Variants in KIRREL3 observed in about 807,000 individuals in gnomAD.
The protein encoded by KIRREL3 is kin of IRRE-like protein 3.
KIRREL3 carries 36 observed loss-of-function variants against 89.7 expected under a neutral mutation model. That is an observed-to-expected ratio of 0.40 (90% CI 0.31 to 0.53). The LOEUF is 0.53. Among genes scored for constraint, KIRREL3 ranks in the 20% least tolerant of loss-of-function variants. The pLI, the probability that KIRREL3 is intolerant of heterozygous loss-of-function variation, is 0.49. For missense variants in KIRREL3, 864 were observed against 1,056.6 expected, an observed-to-expected ratio of 0.82 and a Z score of 2.53; for synonymous variants, 445 against 441.4, an observed-to-expected ratio of 1.01 and a Z score of -0.10.
Position 126,558,152 on chromosome 11 carries a change from A to C in KIRREL3, c.133+4683T>G, listed in dbSNP as rs773773766. 6.6e-6 allele frequency among the ~76,000 whole-genome samples: 1 copy of C among 152,140 alleles called. No homozygotes were observed. The highest frequency in any genetic ancestry group is 1.5e-5 in the Non-Finnish European group (1 of 68,012). On this transcript the variant is annotated intron_variant, in intron 2 of 16. Transcript: ENST00000525144. This position sits in a 1 kb window ranked among gnomAD's most constrained non-coding sequence, Gnocchi z 4.0. The stretch of plus-strand genomic sequence containing the variant: ...TCCTGTGCAGGCCCCCCTCTGCCCC[A>C]AGGGGATGGCTGAAGGGGAGGTCAA...
chr11:126,622,839 T>C lies in KIRREL3; in HGVS notation c.56-59927A>G, dbSNP rs933386678. Among the ~76,000 whole-genome samples the C allele has an allele frequency of 3.3e-5, 5 of 152,230 alleles. No individual in the cohort carries two copies. The highest frequency in any genetic ancestry group is 7.3e-5 in the Non-Finnish European group (5 of 68,042). On this transcript the variant is annotated intron_variant, in intron 1 of 16. Coordinates refer to ENST00000525144, the MANE Select transcript of KIRREL3 (RefSeq NM_032531.4). This position sits in a 1 kb window ranked among gnomAD's most constrained non-coding sequence, Gnocchi z 5.2. ...TATACTTTTTGTAGAGTTAACTACA[T>C]GCACAATTTTATTTGCTTTATCTAT...
At chr11:126,487,060 G>A (rs77541014) in intron 4 of KIRREL3, among the ~76,000 whole-genome samples, 3,433 of 152,244 alleles carry the variant, frequency 0.023, 133 homozygotes, top group African/African-American at 0.074. Flanking sequence ...AGAAGTCTTA[G>A]CAGAAATGGA....
At chr11:126,465,222 C>T (rs1453695275) in intron 5 of KIRREL3, among the ~76,000 whole-genome samples, 1 of 152,176 alleles carries the variant, frequency 6.6e-6, no homozygotes, top group Non-Finnish European at 1.5e-5. Flanking sequence ...ACAGACCACT[C>T]CTCCCTCAAA....
chr11:126,612,278 T>C lies in KIRREL3; in HGVS notation c.56-49366A>G, dbSNP rs1325876916. ...GAATTTGAGTATTATATGGACACCC[T>C]TGGCATATAATAAATGCTCCCTCAG... On this transcript the variant is annotated intron_variant, in intron 1 of 16. Transcript: ENST00000525144. This position sits in a 1 kb window ranked among gnomAD's most constrained non-coding sequence, Gnocchi z 4.5. Among the ~76,000 whole-genome samples, 1 of 151,546 alleles carries C rather than the reference T, an allele frequency of 6.6e-6. No homozygotes were observed. Among genetic ancestry groups the C allele is most frequent in the Non-Finnish European group, 1.5e-5 (1 of 67,872 alleles).
rs1955064682 is a variant in KIRREL3 at position 126,429,858 on chromosome 11, T to C, written c.1697-570A>G. On this transcript the variant is annotated intron_variant, in intron 14 of 16. Transcript: ENST00000525144. The surrounding 1 kb of genome is among the most constrained non-coding windows in gnomAD (Gnocchi z 5.2). ...AGAGCTCTGTTAGAAAATTCTTGGC[T>C]GGGTGCGGTGGCTCACGCCTGTAAT... is the stretch of plus-strand genomic sequence containing the variant. 6.6e-6 allele frequency among the ~76,000 whole-genome samples: 1 copy of C among 152,106 alleles called. No individual in the cohort carries two copies. The highest frequency in any genetic ancestry group is 6.5e-5 in the Admixed American group (1 of 15,268).
chr11:126,683,557 G>T lies in KIRREL3; in HGVS notation c.56-120645C>A, dbSNP rs1946551394. On this transcript the variant is annotated intron_variant, in intron 1 of 16. Transcript: ENST00000525144. The surrounding 1 kb of genome is among the most constrained non-coding windows in gnomAD (Gnocchi z 5.2). ...TGGGAAGAGTAAGGGCACCCATCTTGGAGGAGATTTGGCACGTGATGCTCA... is the reference window on the plus strand; with the variant it reads ...TGGGAAGAGTAAGGGCACCCATCTTTGAGGAGATTTGGCACGTGATGCTCA... Among the ~76,000 whole-genome samples, 1 of 152,204 alleles carries T rather than the reference G, an allele frequency of 6.6e-6. No individual in the cohort carries two copies. The highest frequency in any genetic ancestry group is 6.5e-5 in the Admixed American group (1 of 15,282).
rs1941279663 is a variant in KIRREL3, at chr11:126,576,844, A to G, written c.56-13932T>C. On this transcript the variant is annotated intron_variant, in intron 1 of 16. Transcript: ENST00000525144. This position sits in a 1 kb window ranked among gnomAD's most constrained non-coding sequence, Gnocchi z 5.4. ...CTCTCCCTACTGGAATGCAGAAGGA[A>G]GGACAAGAGATGAGCCTTTACTGAG... Among the ~76,000 whole-genome samples, 1 of 152,216 alleles carries G rather than the reference A, an allele frequency of 6.6e-6. No homozygotes were observed. The highest frequency in any genetic ancestry group is 2.1e-4 in the South Asian group (1 of 4,830).
In KIRREL3 at chr11:126,805,386, T is replaced by G. The variant is rs1193624910; in HGVS notation, c.55+195069A>C. ...TACTGGGTGGAGGAGATTTAATTACTCAGATGCTCTTATGCTCCTCAAAGG... is the reference window on the plus strand; with the variant it reads ...TACTGGGTGGAGGAGATTTAATTACGCAGATGCTCTTATGCTCCTCAAAGG... On this transcript the variant is annotated intron_variant, in intron 1 of 16. Coordinates refer to ENST00000525144, the MANE Select transcript of KIRREL3 (RefSeq NM_032531.4). This position sits in a 1 kb window ranked among gnomAD's most constrained non-coding sequence, Gnocchi z 4.3. Among the ~76,000 whole-genome samples the G allele has an allele frequency of 6.6e-6, 1 of 152,176 alleles. No homozygotes were observed. The highest frequency in any genetic ancestry group is 1.9e-4 in the East Asian group (1 of 5,184).
At chr11:126,862,815 A>G (rs1453132562) in intron 1 of KIRREL3, among the ~76,000 whole-genome samples, 1 of 152,182 alleles carries the variant, frequency 6.6e-6, no homozygotes, top group Non-Finnish European at 1.5e-5. Context: ...TCTGCCAGAG[A>G]GTGATGCATT....
chr11:126,675,573 G>C (rs925554717), intron 1 of KIRREL3, among the ~76,000 whole-genome samples: 1 of 152,274 alleles, frequency 6.6e-6, no homozygotes, highest in Non-Finnish European at 1.5e-5. Flanking sequence ...GGGTGGTGGA[G>C]ACCAAGAGGT....
At position 126,519,945 on chromosome 11, in the gene KIRREL3, C is replaced by A. The variant is rs1401676237; in HGVS notation, c.433+1370G>T. Among the ~76,000 whole-genome samples, 1 of 152,132 alleles carries A rather than the reference C, an allele frequency of 6.6e-6. No homozygotes were observed. The highest frequency in any genetic ancestry group is 2.4e-5 in the African/African-American group (1 of 41,432). Reference sequence around the variant, plus strand: ...CCATGGAATCCCAACTTATTTACCCCCGCTGGAACAGGTTTATTTTCTCAT... The same window carrying A: ...CCATGGAATCCCAACTTATTTACCCACGCTGGAACAGGTTTATTTTCTCAT... On this transcript the variant is annotated intron_variant, in intron 4 of 16. Transcript: ENST00000525144. This position sits in a 1 kb window ranked among gnomAD's most constrained non-coding sequence, Gnocchi z 4.3.
intron 1 of KIRREL3, among the ~76,000 whole-genome samples, chr11:126,927,003 T>A (rs751273525): frequency 2.0e-5 from 3 of 152,222 alleles, no homozygotes; most frequent in Non-Finnish European, 2.9e-5. Context: ...AGCTAAGGCA[T>A]GATGCAGGCA....
chr11:126,534,322 G>A (rs1340015436), intron 2 of KIRREL3, among the ~76,000 whole-genome samples: 2 of 152,218 alleles, frequency 1.3e-5, no homozygotes, highest in African/African-American at 2.4e-5. Flanking sequence ...GCATCTGACT[G>A]GCGCTGAACT....
In KIRREL3 at chr11:126,993,482, A is replaced by G. The variant is rs1950095465; in HGVS notation, c.55+6973T>C. Reference sequence around the variant, plus strand: ...ATCCTATAATATCAAGCATGATGTCATCTCCTCTGTGCAACCTTTTCTGAT... The same window carrying G: ...ATCCTATAATATCAAGCATGATGTCGTCTCCTCTGTGCAACCTTTTCTGAT... On this transcript the variant is annotated intron_variant, in intron 1 of 16. Transcript: ENST00000525144. The surrounding 1 kb of genome is among the most constrained non-coding windows in gnomAD (Gnocchi z 6.1). 6.6e-6 allele frequency among the ~76,000 whole-genome samples: 1 copy of G among 152,200 alleles called. No homozygotes were observed. The highest frequency in any genetic ancestry group is 2.1e-4 in the South Asian group (1 of 4,824).
At chr11:126,707,754 T>C (rs1427719229) in intron 1 of KIRREL3, among the ~76,000 whole-genome samples, 1 of 152,094 alleles carries the variant, frequency 6.6e-6, no homozygotes, top group Admixed American at 6.5e-5. Context: ...AAGTCTCCTT[T>C]CCCTGGGTCA....
rs920593220 is a variant in KIRREL3, at chr11:126,994,238, G to C, written c.55+6217C>G. Among the ~76,000 whole-genome samples, 1 of 152,148 alleles carries C rather than the reference G, an allele frequency of 6.6e-6. No homozygotes were observed. Among genetic ancestry groups the C allele is most frequent in the African/African-American group, 2.4e-5 (1 of 41,418 alleles). ...GTGTTCAGTAGGGGGTCAGGAGGGC[G>C]TGGGAAGGCTTCCAGATGCCAGGAA... is the stretch of plus-strand genomic sequence containing the variant. On this transcript the variant is annotated intron_variant, in intron 1 of 16. Coordinates refer to ENST00000525144, the MANE Select transcript of KIRREL3 (RefSeq NM_032531.4). The surrounding 1 kb of genome is among the most constrained non-coding windows in gnomAD (Gnocchi z 5.2).
intron 1 of KIRREL3, among the ~76,000 whole-genome samples, chr11:126,853,778 A>T (rs1817352156): frequency 6.6e-6 from 1 of 152,076 alleles, no homozygotes; most frequent in Admixed American, 6.5e-5. Context: ...ACCTCCTTTC[A>T]AGGTCTCCGG....
intron 1 of KIRREL3, among the ~76,000 whole-genome samples, chr11:126,634,046 G>A (rs1944162740): frequency 6.6e-6 from 1 of 152,168 alleles, no homozygotes. Context: ...CTCCTGCTCT[G>A]GGGGTCAGGT....
chr11:126,944,412 C>G (rs1332438651), intron 1 of KIRREL3: 3 of 152,198 alleles, frequency 2.0e-5, no homozygotes, highest in Non-Finnish European at 2.9e-5. Context: ...GGCCAGGGCA[C>G]TTTGTCCAGG....
Sources: allele counts gnomAD v4.1 joint callset (sites outside exome capture counted in the v4.1 genomes callset), GRCh38; gene constraint gnomAD v4.1.1; non-coding constraint Gnocchi (gnomAD v3.1); transcripts MANE v1.5; gene names NCBI Gene and HGNC (gene_info 2026-07-23, HGNC 2026-07-21).